Variants in RNLS observed in about 807,000 individuals in gnomAD.
RNLS encodes renalase, FAD dependent amine oxidase.
A neutral mutation model predicts 39.8 loss-of-function variants in RNLS; 39 were observed. The observed-to-expected ratio is 0.98, with a 90% CI of 0.76 to 1.28. RNLS has a LOEUF of 1.28. Among genes scored for constraint, RNLS ranks in the 50% most tolerant of loss-of-function variants. RNLS has a pLI of 0.00. For missense variants in RNLS, 410 were observed against 413.3 expected (o/e 0.99, Z 0.07); for synonymous variants, 147 against 150.7 (o/e 0.98, Z 0.18).
At position 88,443,086 on chromosome 10, in the gene RNLS, T is replaced by C. The variant is rs147422832; in HGVS notation, c.527-80361A>G. Among the ~76,000 whole-genome samples, 252 of 152,288 alleles carry C rather than the reference T, an allele frequency of 1.7e-3. 2 individuals are homozygous for C. In the Middle Eastern group the frequency reaches 0.024, roughly 14 times the overall value. On this transcript the variant is annotated intron_variant, in intron 4 of 6. Coordinates refer to ENST00000331772, the MANE Select transcript of RNLS (RefSeq NM_001031709.3). ...GCCTGAAGATTTAATCTGTTAAACA[T>C]CTTCTATTTCTTCCCCTCCTTTGTA... is the stretch of plus-strand genomic sequence containing the variant.
chr10:88,324,785 C>T (rs945662517), intron 5 of RNLS, among the ~76,000 whole-genome samples: 6 of 152,210 alleles, frequency 3.9e-5, no homozygotes, highest in African/African-American at 1.4e-4. Context: ...AACTCCATAT[C>T]CCTTAAACAA....
chr10:88,272,178 G>A (rs1026083498), downstream of RNLS, among the ~76,000 whole-genome samples: 7 of 152,130 alleles, frequency 4.6e-5, no homozygotes, highest in African/African-American at 1.7e-4. Flanking sequence ...GAGCAGTGAT[G>A]TATTTTATAT....
intron 4 of RNLS, among the ~76,000 whole-genome samples, chr10:88,395,140 A>G (rs1403658551): frequency 6.6e-6 from 1 of 151,750 alleles, no homozygotes; most frequent in Admixed American, 6.6e-5. Context: ...ACATGTATAC[A>G]TATGTAACAA....
At chr10:88,575,159 T>TATATATAC (rs1386414416) in intron 3 of RNLS, among the ~76,000 whole-genome samples, 13 of 43,400 alleles carry the variant, frequency 3.0e-4, no homozygotes, top group Non-Finnish European at 3.9e-4. Flanking sequence ...TATATATATA[T>TATATATAC]ACACACACAC....
At chr10:88,485,807 T>G (rs1257905276) in intron 4 of RNLS, among the ~76,000 whole-genome samples, 1 of 151,986 alleles carries the variant, frequency 6.6e-6, no homozygotes, top group Non-Finnish European at 1.5e-5. Context: ...AAAGAGACAT[T>G]AATTTTTAAA....
intron 4 of RNLS, among the ~76,000 whole-genome samples, chr10:88,374,259 C>T (rs551577112): frequency 6.6e-6 from 1 of 152,138 alleles, no homozygotes; most frequent in South Asian, 2.1e-4. Flanking sequence ...ATTTCATAAC[C>T]TCAAGGTGTT....
intron 6 of RNLS, among the ~76,000 whole-genome samples, chr10:88,287,041 G>C (rs575931108): frequency 1.7e-4 from 26 of 152,066 alleles, no homozygotes; most frequent in African/African-American, 6.3e-4. Flanking sequence ...CTCCTGTCTT[G>C]GCTTCCCAAA....
the RNLS span, among the ~76,000 whole-genome samples, chr10:88,248,080 T>G: frequency 3.3e-5 from 5 of 152,314 alleles, no homozygotes; most frequent in South Asian, 1.0e-3. Context: ...GCCACCAAGT[T>G]TTTAATAATT....
the RNLS span, among the ~76,000 whole-genome samples, chr10:88,182,468 G>A: frequency 6.6e-6 from 1 of 152,070 alleles, no homozygotes; most frequent in Non-Finnish European, 1.5e-5. Context: ...GGATAACTCA[G>A]CTATATTCAT....
At chr10:88,561,037 G>A (rs191376949) in intron 4 of RNLS, among the ~76,000 whole-genome samples, 523 of 152,066 alleles carry the variant, frequency 3.4e-3, no homozygotes, top group Non-Finnish European at 6.2e-3. Context: ...GCCACAGACA[G>A]GTCTAGCTGG....
At chr10:88,186,767 A>G in the RNLS span, among the ~76,000 whole-genome samples, 1 of 152,172 alleles carries the variant, frequency 6.6e-6, no homozygotes, top group Non-Finnish European at 1.5e-5. Flanking sequence ...CAAAATTTAA[A>G]CAAAAAAGGA....
chr10:88,418,476 T>C (rs1042542953), intron 4 of RNLS, among the ~76,000 whole-genome samples: 4 of 152,226 alleles, frequency 2.6e-5, no homozygotes, highest in Admixed American at 2.6e-4. Flanking sequence ...GTGCTATACC[T>C]GTGAATACTT....
the RNLS span, among the ~76,000 whole-genome samples, chr10:88,258,279 T>A: frequency 2.0e-5 from 3 of 152,186 alleles, no homozygotes; most frequent in Admixed American, 1.3e-4. Flanking sequence ...ATTCTTTTAG[T>A]CATATATTTC....
At chr10:88,437,806 T>C (rs904494076) in intron 4 of RNLS, among the ~76,000 whole-genome samples, 17 of 152,094 alleles carry the variant, frequency 1.1e-4, no homozygotes, top group African/African-American at 4.1e-4. Flanking sequence ...TGGGTGCTTC[T>C]GGGAAAGGTT....
In RNLS at chr10:88,574,588, T is replaced by A. The variant is rs1386769796; in HGVS notation, c.368-1527A>T. 3.3e-5 allele frequency among the ~76,000 whole-genome samples: 5 copies of A among 152,224 alleles called. No individual in the cohort carries two copies. The East Asian group carries it at 7.7e-4, about 23-fold the overall frequency. The stretch of plus-strand genomic sequence containing the variant: ...CAGATCTCATACACTTTCATCTCTT[T>A]CATTGACCCTTAAATAATGCTACAC... On this transcript the variant is annotated intron_variant, in intron 3 of 6. Coordinates refer to ENST00000331772, the MANE Select transcript of RNLS (RefSeq NM_001031709.3).
chr10:88,333,444 A>G (rs538772906), intron 5 of RNLS, among the ~76,000 whole-genome samples: 1 of 152,298 alleles, frequency 6.6e-6, no homozygotes, highest in East Asian at 1.9e-4. Flanking sequence ...TTTTCTACAA[A>G]TGAGCCCGCA....
intron 4 of RNLS, among the ~76,000 whole-genome samples, chr10:88,520,832 C>G (rs1028684131): frequency 9.2e-5 from 14 of 151,984 alleles, no homozygotes; most frequent in Admixed American, 8.5e-4. Flanking sequence ...CTAGTTTATA[C>G]TACCTTAACA....
intron 4 of RNLS, among the ~76,000 whole-genome samples, chr10:88,488,097 T>C (rs887427969): frequency 6.6e-6 from 1 of 152,118 alleles, no homozygotes; most frequent in Non-Finnish European, 1.5e-5. Flanking sequence ...AGGTATGAAT[T>C]ACAAAGAATC....
chr10:88,581,838 T>C, intron 2 of RNLS, 129 bp from the exon 3 acceptor site: 1 of 578,706 alleles, frequency 1.7e-6, no homozygotes, highest in Non-Finnish European at 2.8e-6. Flanking sequence ...CCTATGAATA[T>C]TTTGTATTAA....
Sources: allele counts gnomAD v4.1 joint callset (sites outside exome capture counted in the v4.1 genomes callset), GRCh38; gene constraint gnomAD v4.1.1; transcripts MANE v1.5; gene names NCBI Gene and HGNC (gene_info 2026-07-23, HGNC 2026-07-21).